FAAP100: variants seen among roughly 807,000 people sequenced by gnomAD.
FAAP100 encodes Fanconi anemia core complex-associated protein 100.
A neutral mutation model predicts 65.8 loss-of-function variants in FAAP100; 46 were observed. The ratio of observed to expected loss-of-function variants is 0.70; its 90% confidence interval spans 0.55 to 0.89. FAAP100 has a LOEUF of 0.89. Among genes scored for constraint, FAAP100 ranks in the 40% least tolerant of loss-of-function variants. The probability of loss-of-function intolerance (pLI) is 0.00; values close to 1 mark genes in which losing one functional copy is unlikely to be tolerated. For missense variants in FAAP100, 1,165 were observed against 1,196.7 expected (o/e 0.97, Z 0.39); for synonymous variants, 663 against 555.1 (o/e 1.19, Z -2.73).
chr17:81,544,400 G>C (rs947912733), intron 6 of FAAP100, among the ~76,000 whole-genome samples: 1 of 152,184 alleles, frequency 6.6e-6, no homozygotes, highest in Non-Finnish European at 1.5e-5. Context: ...ATTCACGCAG[G>C]GCCTCGAGCC....
intron 5 of FAAP100, chr17:81,546,515 T>C (rs1274351872): frequency 5.6e-6 from 1 of 179,912 alleles, no homozygotes; most frequent in African/African-American, 2.3e-5. Flanking sequence ...AGGTTACGCT[T>C]CCATATATAG....
chr17:81,540,995 G>T, intron 8 of FAAP100, 45 bp from the exon 9 acceptor site: 1 of 1,525,012 alleles, frequency 6.6e-7, no homozygotes, highest in Non-Finnish European at 8.8e-7. Flanking sequence ...CCTGGCCCTG[G>T]GGATGTCACT....
At chr17:81,549,434 C>T in intron 3 of FAAP100, 72 bp from the exon 4 acceptor site, 1 of 1,521,186 alleles carries the variant, frequency 6.6e-7, no homozygotes, top group Non-Finnish European at 8.8e-7. Flanking sequence ...GGTGGTGTTT[C>T]CCTGGACTCC....
At chr17:81,550,132 C>T (rs915170588) in intron 3 of FAAP100, 116 bp downstream of exon 3, 14 of 1,029,962 alleles carry the variant, frequency 1.4e-5, no homozygotes, top group African/African-American at 9.6e-5. Flanking sequence ...TATCAGCACC[C>T]GTCAGCCTTG....
In FAAP100 at chr17:81,548,186, T is replaced by C. The variant is rs115942610; in HGVS notation, c.1404-508A>G. 854 of 592,998 alleles carry C rather than the reference T, an allele frequency of 1.4e-3. 5 individuals are homozygous for C. Among genetic ancestry groups the C allele is most frequent in the African/African-American group, 0.014 (767 of 53,848 alleles). 36.7% of individuals were successfully genotyped at this position (592,998 alleles called of 1,614,324 possible). On this transcript the variant is annotated intron_variant, in intron 4 of 8. Transcript: ENST00000327787. Reference sequence around the variant, plus strand: ...CCCTCGCTCTCGGGACCCCAGTGGTTATGTGAGGGGAGCAGGGGAGGCTGC... The same window carrying C: ...CCCTCGCTCTCGGGACCCCAGTGGTCATGTGAGGGGAGCAGGGGAGGCTGC...
Position 81,541,782 on chromosome 17 carries a change from G to A in FAAP100, c.2428-387C>T, listed in dbSNP as rs138429773. Among the ~76,000 whole-genome samples the A allele has an allele frequency of 3.5e-3, 538 of 152,266 alleles. 8 individuals are homozygous for A. Among genetic ancestry groups the A allele is most frequent in the African/African-American group, 0.012 (509 of 41,562 alleles). On this transcript the variant is annotated intron_variant, in intron 7 of 8. Transcript: ENST00000327787. ...AGACCAGCCAGGGAGCTGCCTCGGC[G>A]TCTTGTGCAGAGACCCTGGCCTGGC... is the stretch of plus-strand genomic sequence containing the variant.
intron 2 of FAAP100, 53 bp downstream of exon 2, chr17:81,551,875 C>T: frequency 6.7e-7 from 1 of 1,483,222 alleles, no homozygotes; most frequent in Non-Finnish European, 8.9e-7. Flanking sequence ...CGCTCTGAAG[C>T]AGTCCGGGGG....
rs2033025753 is a variant in FAAP100, at chr17:81,540,124, G to C, written c.*695C>G. ...TGAGTGGCCCTGAAAATAGTGCACAGTGCTGGGTACTGCCCCGGCTGGAGG... is the reference window on the plus strand; with the variant it reads ...TGAGTGGCCCTGAAAATAGTGCACACTGCTGGGTACTGCCCCGGCTGGAGG... On this transcript the variant is annotated 3_prime_UTR_variant, in exon 9 of 9. Coordinates refer to ENST00000327787, the MANE Select transcript of FAAP100 (RefSeq NM_025161.6). The C allele has an allele frequency of 2.5e-6, 1 of 398,510 alleles. No homozygotes were observed. The highest frequency in any genetic ancestry group is 4.4e-5 in the Admixed American group (1 of 22,712). 24.7% of individuals were successfully genotyped at this position (398,510 alleles called of 1,614,324 possible).
rs2033353233 is a variant in FAAP100 at position 81,547,511 on chromosome 17, A to G, written c.1571T>C (p.Met524Thr). ...WSRLQTQDVL[M>T]ATCVLENSSS... is the part of the protein sequence containing the mutation. ...GCTGTTCTCTAGCACGCAGGTGGCC[A>G]TGAGCACATCCTGTGTCTGCAGGCG... Residue 524 changes from methionine (M) to threonine (T), a missense_variant, in exon 5 of 9, where the codon ATG becomes ACG. Coordinates refer to ENST00000327787, the MANE Select transcript of FAAP100 (RefSeq NM_025161.6). 6.2e-7 allele frequency: 1 copy of G among 1,613,342 alleles called. No individual in the cohort carries two copies.
rs570219873 is a variant in FAAP100 at position 81,541,463 on chromosome 17, G to A, written c.2428-68C>T. ...ACCTGCCCCCACACCCCTTGGAGCA[G>A]GGTGACCCTCTCCCTCGAGCTGCCT... On this transcript the variant is annotated intron_variant, in intron 7 of 8. Coordinates refer to ENST00000327787, the MANE Select transcript of FAAP100 (RefSeq NM_025161.6). 4.4e-6 allele frequency: 6 copies of A among 1,375,236 alleles called. No individual in the cohort carries two copies. The East Asian group carries it at 9.3e-5, about 21-fold the overall frequency. The allele number at this position is 1,375,236 out of a possible 1,614,324, so 85.2% of individuals were successfully genotyped here. A position where few individuals can be genotyped will look rare whatever the true frequency, so the allele number is the denominator to read the frequency against.
At chr17:81,543,961 C>A in intron 7 of FAAP100, 43 bp downstream of exon 7, 1 of 1,548,898 alleles carries the variant, frequency 6.5e-7, no homozygotes. Flanking sequence ...CCTTAGTGAG[C>A]GACCCACAGA....
Position 81,544,110 on chromosome 17 carries a change from G to C in FAAP100, c.2321C>G (p.Thr774Ser). 6.2e-7 allele frequency: 1 copy of C among 1,611,102 alleles called. No individual in the cohort carries two copies. The highest frequency in any genetic ancestry group is 8.5e-7 in the Non-Finnish European group (1 of 1,178,504). ...VHLIVREVAMTDLCPAGPIQA... is the reference protein window; with the variant it reads ...VHLIVREVAMSDLCPAGPIQA... ...GATGGGCCCTGCTGGGCACAGGTCA[G>C]TCATGGCCACCTGCAACACAGGAGC... Residue 774 changes from threonine (T) to serine (S), a missense_variant, in exon 7 of 9, where the codon ACT (threonine) becomes AGT (serine). Transcript: ENST00000327787.
In FAAP100 at chr17:81,551,051, G is replaced by A. The variant is rs1268498066; in HGVS notation, c.443C>T (p.Ala148Val). 3.1e-6 allele frequency: 5 copies of A among 1,600,454 alleles called. No individual in the cohort carries two copies. The highest frequency in any genetic ancestry group is 4.3e-6 in the Non-Finnish European group (5 of 1,173,912). The change falls in exon 3 of 9, where the codon GCC becomes GTC. Residue 148 changes from alanine (A) to valine (V), a missense_variant. Physicochemically the swap from Ala to Val is moderately conservative, Grantham distance 64. Coordinates refer to ENST00000327787, the MANE Select transcript of FAAP100 (RefSeq NM_025161.6). ...CTCAAACAGCTGCATCTTCCATCGG[G>A]CAGGGCCCTGCACCAGGGTGACCAG... ...SVLVTLVQGP[A>V]RWKMQLFEQP...
intron 5 of FAAP100, 121 bp from the exon 6 acceptor site, chr17:81,546,003 C>G: frequency 1.6e-6 from 2 of 1,274,444 alleles, no homozygotes; most frequent in Non-Finnish European, 2.1e-6. Flanking sequence ...ATCTAAGCAT[C>G]CCAGCTGTCC....
rs980857372 is a variant in FAAP100, at chr17:81,540,767, G to T, written c.*52C>A. 11 of 1,459,390 alleles carry T rather than the reference G, an allele frequency of 7.5e-6. No individual in the cohort carries two copies. Among genetic ancestry groups the T allele is most frequent in the African/African-American group, 2.8e-5 (2 of 71,052 alleles). The allele number at this position is 1,459,390 out of a possible 1,614,324, so 90.4% of individuals were successfully genotyped here. ...CCTCTAACCCATGAGGCCTGGGGGG[G>T]CTGTGACAGAGGCTGGAAGCGTGGC... On this transcript the variant is annotated 3_prime_UTR_variant, in exon 9 of 9. Coordinates refer to ENST00000327787, the MANE Select transcript of FAAP100 (RefSeq NM_025161.6).
rs767557523 is a variant in FAAP100, at chr17:81,540,916, C to T, written c.2549G>A (p.Arg850Gln). 4.3e-5 allele frequency: 69 copies of T among 1,592,036 alleles called. 1 individual carries two copies. The East Asian group carries it at 5.4e-4, about 13-fold the overall frequency. ...GCTGGCCTCATCCTCCGTGCAGAGC[C>T]GGTCGCGCAGGGTCTGCACCTCCCG... ...LLREVQTLRD[R>Q]LCTEDEASSC... The change falls in exon 9 of 9, where the codon CGG (arginine) becomes CAG (glutamine). Residue 850 changes from arginine to glutamine, a missense_variant. Arg to Gln is a conservative substitution (Grantham distance 43). Coordinates refer to ENST00000327787, the MANE Select transcript of FAAP100 (RefSeq NM_025161.6).
upstream of FAAP100, among the ~76,000 whole-genome samples, chr17:81,552,739 C>T (rs549114797): frequency 6.6e-6 from 1 of 152,322 alleles, no homozygotes; most frequent in African/African-American, 2.4e-5. Context: ...CCTCGATTCT[C>T]TGGGCTCTCG....
Position 81,539,897 on chromosome 17 carries a change from G to T in FAAP100, c.*922C>A, listed in dbSNP as rs2033013647. 2.5e-6 allele frequency: 1 copy of T among 398,674 alleles called. No individual in the cohort carries two copies. The highest frequency in any genetic ancestry group is 4.4e-6 in the Non-Finnish European group (1 of 226,146). The allele number at this position is 398,674 out of a possible 1,614,324, so 24.7% of individuals were successfully genotyped here. On this transcript the variant is annotated 3_prime_UTR_variant, in exon 9 of 9. Transcript: ENST00000327787. Reference sequence around the variant, plus strand: ...AACAGCCGAGGCCTGAAGGTTCACGGACAGACAGGGTCGTTTGTCACAGCA... The same window carrying T: ...AACAGCCGAGGCCTGAAGGTTCACGTACAGACAGGGTCGTTTGTCACAGCA...
intron 7 of FAAP100, among the ~76,000 whole-genome samples, chr17:81,543,037 G>C (rs922124820): frequency 6.6e-6 from 1 of 152,028 alleles, no homozygotes; most frequent in Non-Finnish European, 1.5e-5. Flanking sequence ...TGCTCATCAG[G>C]GTCATGGCAG....
Sources: gnomAD v4.1 joint callset for allele counts (sites outside exome capture counted in the v4.1 genomes callset) on GRCh38, gnomAD v4.1.1 for gene constraint, MANE v1.5 for transcripts, NCBI Gene and HGNC (gene_info 2026-07-23, HGNC 2026-07-21) for gene names.